HHAT: variants seen among roughly 807,000 people sequenced by gnomAD.
HHAT encodes hedgehog acyltransferase.
HHAT carries 47 observed loss-of-function variants against 70.8 expected under a neutral mutation model. The ratio of observed to expected loss-of-function variants is 0.66; its 90% CI spans 0.53 to 0.85. The LOEUF (loss-of-function observed/expected upper bound fraction) is 0.85, where lower values mean the gene tolerates loss of function less well. Among genes scored for constraint, HHAT ranks in the 40% least tolerant of loss-of-function variants. The pLI is 0.00. For synonymous variants in HHAT, 228 were observed against 247.6 expected (o/e 0.92, Z 0.74); for missense variants, 609 against 604.8 (o/e 1.01, Z -0.07).
At chr1:210,461,263 T>A (rs1184270045) in intron 7 of HHAT, among the ~76,000 whole-genome samples, 1 of 152,126 alleles carries the variant, frequency 6.6e-6, no homozygotes, top group Non-Finnish European at 1.5e-5. Flanking sequence ...AAGAGACTAA[T>A]TTTTAGGTCA....
At chr1:210,500,048 G>C (rs2094723964) in intron 8 of HHAT, among the ~76,000 whole-genome samples, 2 of 152,170 alleles carry the variant, frequency 1.3e-5, no homozygotes, top group Non-Finnish European at 2.9e-5. Flanking sequence ...CAATATAAAA[G>C]GAGGGAAAGC....
chr1:210,578,396 C>G (rs1211394784), intron 9 of HHAT, among the ~76,000 whole-genome samples: 1 of 151,942 alleles, frequency 6.6e-6, no homozygotes, highest in East Asian at 1.9e-4. Context: ...GTTGGTACAG[C>G]CACTATGGAA....
At chr1:210,409,093 T>C (rs761103681) in intron 6 of HHAT, among the ~76,000 whole-genome samples, 1 of 152,160 alleles carries the variant, frequency 6.6e-6, no homozygotes, top group African/African-American at 2.4e-5. Context: ...CTCAAACTCC[T>C]GGCCTCAAGT....
rs148851103 is a variant in HHAT, at chr1:210,437,914, C to T, written c.856+19589C>T. On this transcript the variant is annotated intron_variant, in intron 7 of 11. Coordinates refer to ENST00000261458, the MANE Select transcript of HHAT (RefSeq NM_018194.6). ...CAATGGCATGTACCACTTGAAATTC[C>T]ACCCACTGTGAGGCTTTTTCCTTGT... Among the ~76,000 whole-genome samples the T allele has an allele frequency of 4.4e-3, 674 of 151,966 alleles. 20 individuals carry two copies. The highest frequency in any genetic ancestry group is 0.012 in the African/African-American group (489 of 41,270).
intron 3 of HHAT, among the ~76,000 whole-genome samples, chr1:210,379,553 A>G (rs552744222): frequency 6.6e-6 from 1 of 152,338 alleles, no homozygotes; most frequent in Admixed American, 6.5e-5. Flanking sequence ...TTCAGTCCAC[A>G]GTCTCTAGAA....
intron 9 of HHAT, among the ~76,000 whole-genome samples, chr1:210,537,161 A>G (rs1040126493): frequency 2.0e-5 from 3 of 152,168 alleles, no homozygotes; most frequent in African/African-American, 7.2e-5. Flanking sequence ...ATAAACACTG[A>G]AAAGTAGGGC....
At chr1:210,401,333 C>CA (rs922211412) in intron 5 of HHAT, among the ~76,000 whole-genome samples, 27 of 152,160 alleles carry the variant, frequency 1.8e-4, no homozygotes, top group African/African-American at 6.5e-4. Context: ...GGGCTGGCCT[C>CA]AAACTCCTGG....
intron 11 of HHAT, among the ~76,000 whole-genome samples, chr1:210,649,211 G>A (rs1002098133): frequency 4.6e-5 from 7 of 152,194 alleles, no homozygotes; most frequent in African/African-American, 1.7e-4. Context: ...ATGGTGTTTG[G>A]AATCTCATTC....
rs762426692 is a variant in HHAT at position 210,387,618 on chromosome 1, T to C, written c.273+37T>C. The C allele has an allele frequency of 1.5e-4, 221 of 1,505,932 alleles. 2 individuals carry two copies. The Middle Eastern group carries it at 1.5e-3, about 10-fold the overall frequency. The allele number at this position is 1,505,932 out of a possible 1,614,324, so 93.3% of individuals were successfully genotyped here. ...TGTGTTGTTACCTTTTAAGTGTGTT[T>C]TTCCTTTGCTTCTTGTGAAGAAAGA... On this transcript the variant is annotated intron_variant, in intron 4 of 11. Coordinates refer to ENST00000261458, the MANE Select transcript of HHAT (RefSeq NM_018194.6).
At chr1:210,661,028 C>T (rs1248249271) in intron 11 of HHAT, among the ~76,000 whole-genome samples, 2 of 152,170 alleles carry the variant, frequency 1.3e-5, no homozygotes, top group Admixed American at 1.3e-4. Flanking sequence ...ATGACTAAAA[C>T]ACCAAAAGCA....
chr1:210,577,060 ATTTG>A (rs897368136), intron 9 of HHAT, among the ~76,000 whole-genome samples: 2 of 138,236 alleles, frequency 1.4e-5, no homozygotes, highest in Non-Finnish European at 3.2e-5. Context: ...ATTTTACTGA[ATTTG>A]TTTAACGGGT....
intron 9 of HHAT, among the ~76,000 whole-genome samples, chr1:210,547,631 A>G (rs1197157651): frequency 1.3e-5 from 2 of 152,200 alleles, no homozygotes; most frequent in African/African-American, 2.4e-5. Flanking sequence ...AACATATTGG[A>G]CACCATTTTG....
intron 9 of HHAT, among the ~76,000 whole-genome samples, chr1:210,546,868 G>A (rs1397796103): frequency 6.6e-6 from 1 of 152,158 alleles, no homozygotes; most frequent in Non-Finnish European, 1.5e-5. Context: ...TGAAGCCTGG[G>A]TGGGGAAGAA....
chr1:210,412,265 C>G (rs2148248095), intron 6 of HHAT, among the ~76,000 whole-genome samples: 1 of 152,236 alleles, frequency 6.6e-6, no homozygotes, highest in African/African-American at 2.4e-5. Flanking sequence ...TAATATTTTG[C>G]CCCTGCCCCC....
At chr1:210,432,895 C>T (rs959751975) in intron 7 of HHAT, among the ~76,000 whole-genome samples, 1 of 151,532 alleles carries the variant, frequency 6.6e-6, no homozygotes, top group Non-Finnish European at 1.5e-5. Context: ...AGCTTTGGGC[C>T]CTGGTGGCAG....
At chr1:210,464,997 C>T (rs1052028870) in intron 8 of HHAT, among the ~76,000 whole-genome samples, 2 of 152,150 alleles carry the variant, frequency 1.3e-5, no homozygotes, top group Non-Finnish European at 2.9e-5. Context: ...AAAATGACAT[C>T]AGTGTATGTG....
intron 1 of HHAT, among the ~76,000 whole-genome samples, chr1:210,338,827 C>T (rs1291300982): frequency 1.3e-5 from 2 of 152,206 alleles, no homozygotes; most frequent in African/African-American, 2.4e-5. Flanking sequence ...AAATCCACCC[C>T]TGTATTTTTT....
chr1:210,473,717 C>G (rs2094250708), intron 8 of HHAT, among the ~76,000 whole-genome samples: 1 of 152,218 alleles, frequency 6.6e-6, no homozygotes, highest in Non-Finnish European at 1.5e-5. Flanking sequence ...CATCTCCTTT[C>G]CCACAGCCAC....
intron 11 of HHAT, among the ~76,000 whole-genome samples, chr1:210,660,467 A>G (rs1056928985): frequency 1.3e-5 from 2 of 152,218 alleles, no homozygotes; most frequent in African/African-American, 2.4e-5. Flanking sequence ...AAGAATCAAT[A>G]TTGTGAAAAT....
Sources: gnomAD v4.1 joint callset for allele counts (sites outside exome capture counted in the v4.1 genomes callset) on GRCh38, gnomAD v4.1.1 for gene constraint, MANE v1.5 for transcripts, NCBI Gene and HGNC (gene_info 2026-07-23, HGNC 2026-07-21) for gene names.